Variants in KIAA1586 observed in about 807,000 individuals in gnomAD.
KIAA1586 encodes the protein E3 SUMO-protein ligase KIAA1586.
Under a neutral mutation model 6.1 loss-of-function variants are expected in KIAA1586, and 5 were observed. The observed-to-expected ratio is 0.82, with a 90% CI of 0.43 to 1.73. KIAA1586 has a LOEUF of 1.73. Among genes scored for constraint, KIAA1586 ranks in the 40% most tolerant of loss-of-function variants. KIAA1586 has a pLI of 0.02. For missense variants in KIAA1586, 899 were observed against 878.2 expected (o/e 1.02, Z -0.30); for synonymous variants, 280 against 301.7 (o/e 0.93, Z 0.75).
Position 57,050,806 on chromosome 6 carries a change from C to T in KIAA1586, c.138C>T (p.Ile46=), listed in dbSNP as rs766679143. The T allele has an allele frequency of 6.8e-6, 11 of 1,613,264 alleles. No individual in the cohort carries two copies. Among genetic ancestry groups the T allele is most frequent in the Admixed American group, 3.3e-5 (2 of 59,996 alleles). ...CATCGAGACCTGTTCTTGAATACAT[C>T]GATCTGGTCTGTGGTGATGATGAAA... The part of the protein sequence containing the change: ...EGPSRPVLEY[I]DLVCGDDENP... The change falls in exon 3 of 4, where the codon ATC becomes ATT. Residue 46 remains isoleucine, a synonymous_variant. Transcript: ENST00000370733.
chr6:57,059,390 A>C (rs1373201162), downstream of KIAA1586, among the ~76,000 whole-genome samples: 3 of 152,062 alleles, frequency 2.0e-5, no homozygotes, highest in South Asian at 6.2e-4. Flanking sequence ...CAGGAGATTG[A>C]GACCATCCTG....
At position 57,055,095 on chromosome 6, in the gene KIAA1586, A is replaced by G. The variant is rs1828475488; in HGVS notation, c.*232A>G. 1 of 339,494 alleles carries G rather than the reference A, an allele frequency of 2.9e-6. No homozygotes were observed. The allele number at this position is 339,494 out of a possible 1,614,324, so 21.0% of individuals were successfully genotyped here. ...TAATACATATTCCATGAAGTTCTGT[A>G]CAGAACAAACACCGTTTATAATTTT... On this transcript the variant is annotated 3_prime_UTR_variant, in exon 4 of 4. Transcript: ENST00000370733.
In KIAA1586 at chr6:57,052,687, TTC is replaced by T. The variant is rs752539903; in HGVS notation, c.190_191del (p.Leu64ValfsTer3). On this transcript the variant is annotated frameshift_variant and splice_region_variant, in exon 4 of 4. Coordinates refer to ENST00000370733, the MANE Select transcript of KIAA1586 (RefSeq NM_020931.4). LOFTEE classifies it low-confidence loss of function (END_TRUNC). ...TACATATGTAAAATTATTTTTCAGATTCTGTTTCCTAAAATGCCAAAACGACA... is the reference window on the plus strand; with the variant it reads ...TACATATGTAAAATTATTTTTCAGATTGTTTCCTAAAATGCCAAAACGACA... 6.5e-7 allele frequency: 1 copy of T among 1,547,618 alleles called. No individual in the cohort carries two copies.
intron 2 of KIAA1586, among the ~76,000 whole-genome samples, chr6:57,049,146 A>G (rs1223835984): frequency 6.6e-6 from 1 of 152,092 alleles, no homozygotes; most frequent in Admixed American, 6.5e-5. Context: ...TGTCAGTGTA[A>G]TTGCAGTACC....
At chr6:57,061,882 C>CT in the KIAA1586 span, among the ~76,000 whole-genome samples, 1 of 150,942 alleles carries the variant, frequency 6.6e-6, no homozygotes, top group African/African-American at 2.4e-5. Flanking sequence ...AAGACATGAT[C>CT]TTTTTATTAA....
chr6:57,050,821 T>G lies in KIAA1586; in HGVS notation c.153T>G (p.Gly51=). 6.2e-7 allele frequency: 1 copy of G among 1,613,588 alleles called. No individual in the cohort carries two copies. The highest frequency in any genetic ancestry group is 8.5e-7 in the Non-Finnish European group (1 of 1,179,628). ...TTGAATACATCGATCTGGTCTGTGG[T>G]GATGATGAAAACCCTAGCGCCTATT... ...PVLEYIDLVC[G]DDENPSAYYS... The change falls in exon 3 of 4, where the codon GGT becomes GGG. Residue 51 remains glycine, a synonymous_variant. Coordinates refer to ENST00000370733, the MANE Select transcript of KIAA1586 (RefSeq NM_020931.4).
downstream of KIAA1586, among the ~76,000 whole-genome samples, chr6:57,056,986 T>A (rs1225624123): frequency 6.6e-6 from 1 of 151,368 alleles, no homozygotes; most frequent in Non-Finnish European, 1.5e-5. Context: ...CCCAGCACTT[T>A]GGGAGGCCGA....
chr6:57,062,867 A>G, the KIAA1586 span, among the ~76,000 whole-genome samples: 1 of 152,190 alleles, frequency 6.6e-6, no homozygotes, highest in South Asian at 2.1e-4. Context: ...CCTGGGCAAC[A>G]TGGTGAAATC....
intron 2 of KIAA1586, 30 bp from the exon 3 acceptor site, chr6:57,050,744 G>A (rs1166430076): frequency 2.1e-6 from 3 of 1,450,176 alleles, no homozygotes; most frequent in Non-Finnish European, 2.9e-6. Flanking sequence ...GATTGTTCAT[G>A]ACTTGTAAAT....
downstream of KIAA1586, among the ~76,000 whole-genome samples, chr6:57,055,949 A>G (rs539381935): frequency 6.6e-6 from 1 of 152,370 alleles, no homozygotes; most frequent in South Asian, 2.1e-4. Flanking sequence ...AAAAGAATCA[A>G]TGAAATTTAG....
chr6:57,052,598 C>A, intron 3 of KIAA1586, 88 bp from the exon 4 acceptor site: 1 of 1,016,494 alleles, frequency 9.8e-7, no homozygotes, highest in Non-Finnish European at 1.4e-6. Flanking sequence ...AAATGTATTT[C>A]CAAAATTAGA....
At chr6:57,055,790 CAA>C, downstream of KIAA1586, among the ~76,000 whole-genome samples, 1 of 152,218 alleles carries the variant, frequency 6.6e-6, no homozygotes, top group South Asian at 2.1e-4. Flanking sequence ...TAAACAGACT[CAA>C]AGAAGGTATG....
intron 2 of KIAA1586, among the ~76,000 whole-genome samples, chr6:57,048,547 T>C (rs1828240859): frequency 1.3e-5 from 2 of 152,222 alleles, no homozygotes; most frequent in African/African-American, 4.8e-5. Context: ...GATTGTATGC[T>C]GACTCTGCCT....
chr6:57,057,214 C>T (rs751357061), downstream of KIAA1586, among the ~76,000 whole-genome samples: 4 of 148,832 alleles, frequency 2.7e-5, no homozygotes, highest in African/African-American at 5.0e-5. Context: ...GGCGACAGAG[C>T]GAGACTTTGT....
intron 2 of KIAA1586, among the ~76,000 whole-genome samples, chr6:57,047,800 A>G (rs1828221180): frequency 1.3e-5 from 1 of 74,694 alleles, no homozygotes; most frequent in Non-Finnish European, 2.6e-5. Flanking sequence ...TGCTTCTAAC[A>G]TGAAGGCAAA....
At chr6:57,060,509 T>C in the KIAA1586 span, among the ~76,000 whole-genome samples, 1 of 152,166 alleles carries the variant, frequency 6.6e-6, no homozygotes, top group African/African-American at 2.4e-5. Context: ...GGTTAGCTGG[T>C]CTATGAAGTC....
chr6:57,055,935 G>A (rs140649327), downstream of KIAA1586, among the ~76,000 whole-genome samples: 400 of 152,274 alleles, frequency 2.6e-3, no homozygotes, highest in Non-Finnish European at 4.4e-3. Flanking sequence ...TATTTCATAT[G>A]CCAAAAAGAA....
the KIAA1586 span, among the ~76,000 whole-genome samples, chr6:57,062,137 C>T: frequency 6.6e-6 from 1 of 152,024 alleles, no homozygotes; most frequent in Non-Finnish European, 1.5e-5. Flanking sequence ...CACCATGTTG[C>T]CCAGGCTGGT....
chr6:57,049,325 C>T (rs1343492172), intron 2 of KIAA1586, among the ~76,000 whole-genome samples: 1 of 152,092 alleles, frequency 6.6e-6, no homozygotes, highest in Non-Finnish European at 1.5e-5. Context: ...TTTATAGTAC[C>T]ATCCAGTAAA....
Sources: gnomAD v4.1 joint callset for allele counts (sites outside exome capture counted in the v4.1 genomes callset) on GRCh38, gnomAD v4.1.1 for gene constraint, MANE v1.5 for transcripts, NCBI Gene and HGNC (gene_info 2026-07-23, HGNC 2026-07-21) for gene names.